Variants in IQSEC1 observed in about 807,000 individuals in gnomAD.
The protein encoded by IQSEC1 is IQ motif and Sec7 domain ArfGEF 1.
In IQSEC1, 31 loss-of-function variants were observed where a neutral mutation model predicts 91.0. That is an observed-to-expected ratio of 0.34 (90% CI 0.26 to 0.46). The LOEUF is 0.46. Ranked by LOEUF, IQSEC1 falls within the 20% of genes least tolerant of loss-of-function variation. IQSEC1 has a pLI of 1.00. For missense variants in IQSEC1, 1,388 were observed against 1,575.6 expected (o/e 0.88, Z 2.02); for synonymous variants, 699 against 662.6 (o/e 1.05, Z -0.84).
intron 1 of IQSEC1, among the ~76,000 whole-genome samples, chr3:13,237,934 G>A (rs920012674): frequency 1.3e-5 from 2 of 152,180 alleles, no homozygotes; most frequent in African/African-American, 4.8e-5. Context: ...GGCTTGGCCA[G>A]TCCCCAAATG....
At chr3:12,903,529 G>A (rs1694612773) in intron 12 of IQSEC1, among the ~76,000 whole-genome samples, 1 of 152,240 alleles carries the variant, frequency 6.6e-6, no homozygotes, top group African/African-American at 2.4e-5. Context: ...AAGCCAGGAG[G>A]TCTCTGCCAG....
intron 1 of IQSEC1, among the ~76,000 whole-genome samples, chr3:13,065,840 C>T (rs1705211693): frequency 6.6e-6 from 1 of 152,214 alleles, no homozygotes; most frequent in South Asian, 2.1e-4. Context: ...AACCCAGTGT[C>T]CATCAATGGG....
chr3:12,962,104 C>T (rs138864848), intron 1 of IQSEC1, among the ~76,000 whole-genome samples: 1 of 152,332 alleles, frequency 6.6e-6, no homozygotes, highest in African/African-American at 2.4e-5. Context: ...CGCCAGGGCT[C>T]TAGGGAGGCA....
intron 5 of IQSEC1, 143 bp downstream of exon 5, chr3:12,921,977 C>A: frequency 7.9e-6 from 8 of 1,011,476 alleles, no homozygotes; most frequent in Non-Finnish European, 1.1e-5. Context: ...GGAGCCAGTA[C>A]GATCACCCCC....
At chr3:13,017,477 G>A (rs1004321008) in intron 1 of IQSEC1, among the ~76,000 whole-genome samples, 1 of 152,150 alleles carries the variant, frequency 6.6e-6, no homozygotes, top group East Asian at 1.9e-4. Context: ...AGCTCTCGGC[G>A]ACAAGTGCTG....
At position 12,915,590 on chromosome 3, in the gene IQSEC1, A is replaced by G. The variant is rs771905408; in HGVS notation, c.2160+4T>C. 1.2e-6 allele frequency: 2 copies of G among 1,613,980 alleles called. No individual in the cohort carries two copies. Among genetic ancestry groups the G allele is most frequent in the Non-Finnish European group, 1.7e-6 (2 of 1,179,914 alleles). The stretch of plus-strand genomic sequence containing the variant: ...CCCACCACGTACCAGGGCCCATCAC[A>G]TACCGGCTTTTTCCCCACAATGAGC... On this transcript the variant is annotated splice_donor_region_variant and intron_variant, in intron 7 of 13. Transcript: ENST00000613206.
intron 1 of IQSEC1, among the ~76,000 whole-genome samples, chr3:13,027,090 G>T (rs1213100779): frequency 6.6e-6 from 1 of 152,144 alleles, no homozygotes; most frequent in Admixed American, 6.5e-5. Context: ...CACCGAGTTG[G>T]CCGAACTTCA....
intron 2 of IQSEC1, among the ~76,000 whole-genome samples, chr3:13,124,904 C>T (rs1706487752): frequency 6.6e-6 from 1 of 152,198 alleles, no homozygotes; most frequent in African/African-American, 2.4e-5. Flanking sequence ...TCCATATCCA[C>T]CCGCCCTCAC....
At chr3:13,066,085 G>C (rs1197738668) in intron 1 of IQSEC1, among the ~76,000 whole-genome samples, 1 of 152,218 alleles carries the variant, frequency 6.6e-6, no homozygotes, top group Non-Finnish European at 1.5e-5. Context: ...GGGGATGCAA[G>C]ATGGGAGTCT....
intron 3 of IQSEC1, among the ~76,000 whole-genome samples, chr3:12,934,284 C>A (rs183101341): frequency 4.5e-4 from 69 of 152,334 alleles, no homozygotes; most frequent in Non-Finnish European, 6.8e-4. Flanking sequence ...TAAGCCATTG[C>A]CCCTTACTGG....
intron 1 of IQSEC1, among the ~76,000 whole-genome samples, chr3:13,226,622 C>A (rs552676658): frequency 1.3e-5 from 2 of 151,826 alleles, no homozygotes; most frequent in African/African-American, 4.8e-5. Context: ...AAATTTGCCT[C>A]ATCAACCCAG....
intron 2 of IQSEC1, among the ~76,000 whole-genome samples, chr3:13,162,323 A>G (rs357174): frequency 0.9 from 137,080 of 152,264 alleles, 61,949 homozygotes; most frequent in African/African-American, 0.97. Flanking sequence ...GAGGCAGGCC[A>G]GGGAGGGCCT....
intron 1 of IQSEC1, among the ~76,000 whole-genome samples, chr3:13,031,533 C>A (rs1020883990): frequency 2.0e-5 from 3 of 152,210 alleles, no homozygotes; most frequent in Non-Finnish European, 2.9e-5. Flanking sequence ...AAGGACAAGA[C>A]TCCAGGTTTT....
rs1032166927 is a variant in IQSEC1, at chr3:12,992,963, G to A, written c.24-51098C>T. Among the ~76,000 whole-genome samples the A allele has an allele frequency of 6.6e-6, 1 of 152,190 alleles. No individual in the cohort carries two copies. Among genetic ancestry groups the A allele is most frequent in the African/African-American group, 2.4e-5 (1 of 41,446 alleles). On this transcript the variant is annotated intron_variant, in intron 1 of 13. Transcript: ENST00000613206. This position sits in a 1 kb window ranked among gnomAD's most constrained non-coding sequence, Gnocchi z 4.1. ...GCCTGCTTAGAGCCCAAGGGCAGGTGGTTTTGTAGCGGGAGGTTGCGGTGG... is the reference window on the plus strand; with the variant it reads ...GCCTGCTTAGAGCCCAAGGGCAGGTAGTTTTGTAGCGGGAGGTTGCGGTGG...
Position 12,941,700 on chromosome 3 carries a change from C to T in IQSEC1, c.189G>A (p.Gln63=), listed in dbSNP as rs1450423723. ...GCTGCAGCTTGGGCCTCCGCGTGCG[C>T]TGCTGTTGCCCCGGCGGCCCCGAGT... is the stretch of plus-strand genomic sequence containing the variant. ...GLYSGPPGQQ[Q]RTRRPKLQHS... Residue 63 remains glutamine (Q), a synonymous_variant, in exon 2 of 14, where the codon CAG becomes CAA. Coordinates refer to ENST00000613206, the MANE Select transcript of IQSEC1 (RefSeq NM_001134382.3). 10 of 1,612,820 alleles carry T rather than the reference C, an allele frequency of 6.2e-6. No individual in the cohort carries two copies. In the South Asian group the frequency reaches 9.9e-5, roughly 16 times the overall value.
intron 1 of IQSEC1, among the ~76,000 whole-genome samples, chr3:13,071,153 G>GTTTTTTTTTTT (rs796412810): frequency 2.3e-4 from 21 of 90,974 alleles, no homozygotes; most frequent in East Asian, 4.2e-4. Context: ...GTTTTTTTTT[G>GTTTTTTTTTTT]TTTTTTTTTT....
At chr3:13,175,246 G>A (rs1234447628) in intron 1 of IQSEC1, among the ~76,000 whole-genome samples, 1 of 152,136 alleles carries the variant, frequency 6.6e-6, no homozygotes, top group Non-Finnish European at 1.5e-5. Flanking sequence ...TCACCTCTCT[G>A]GGCCCATGTT....
rs1695428016 is a variant in IQSEC1 at position 13,263,438 on chromosome 3, G to GAAAA, written c.272+19272_272+19273insTTTT. Among the ~76,000 whole-genome samples, 43 of 74,200 alleles carry GAAAA rather than the reference G, an allele frequency of 5.8e-4. 17 individuals are homozygous for GAAAA. Among genetic ancestry groups the GAAAA allele is most frequent in the South Asian group, 2.3e-3 (6 of 2,616 alleles). The allele number at this position is 74,200 out of a possible 152,430, so 48.7% of individuals were successfully genotyped here. ...GACACTTTTTTTTTTGGGGGGGGGG[G>GAAAA]GAAAGTACCTGACACTTTTTTTTTT... On this transcript the variant is annotated intron_variant, in intron 1 of 15. Coordinates refer to the IQSEC1 transcript ENST00000648114.
chr3:13,154,436 TGC>T (rs1491389026), intron 2 of IQSEC1, among the ~76,000 whole-genome samples: 4,658 of 55,378 alleles, frequency 0.084, 314 homozygotes, highest in East Asian at 0.26. Context: ...GGAACTTACA[TGC>T]ATATATATAT....
Sources: allele counts gnomAD v4.1 joint callset (sites outside exome capture counted in the v4.1 genomes callset), GRCh38; gene constraint gnomAD v4.1.1; non-coding constraint Gnocchi (gnomAD v3.1); transcripts MANE v1.5; gene names NCBI Gene and HGNC (gene_info 2026-07-23, HGNC 2026-07-21).